Variants in ZP4 observed in about 807,000 individuals in gnomAD.
ZP4 encodes the protein zona pellucida glycoprotein 4.
ZP4 carries 62 observed loss-of-function variants against 62.3 expected under a neutral mutation model. The ratio of observed to expected loss-of-function variants is 0.99; its 90% CI spans 0.81 to 1.23. The LOEUF is 1.23. Ranked by LOEUF, ZP4 falls within the 50% of genes most tolerant of loss-of-function variation. The pLI is 0.00. For missense variants in ZP4, 774 were observed against 656.0 expected, an observed-to-expected ratio of 1.18 and a Z score of -1.97; for synonymous variants, 289 against 247.3, an observed-to-expected ratio of 1.17 and a Z score of -1.58.
intron 4 of ZP4, 62 bp downstream of exon 4, chr1:237,888,296 T>C: frequency 6.9e-7 from 1 of 1,454,846 alleles, no homozygotes; most frequent in Non-Finnish European, 9.2e-7. Flanking sequence ...AACCCCTCTC[T>C]GGGTTTCATT....
At chr1:237,885,908 G>C in intron 6 of ZP4, 22 bp from the exon 7 acceptor site, 1 of 1,613,552 alleles carries the variant, frequency 6.2e-7, no homozygotes, top group Non-Finnish European at 8.5e-7. Flanking sequence ...CAAGATTTTA[G>C]CTAGTTGGTT....
At position 237,890,692 on chromosome 1, in the gene ZP4, G is replaced by A. The variant is rs973989357; in HGVS notation, c.-57C>T. 4.9e-5 allele frequency: 76 copies of A among 1,562,882 alleles called. 1 individual carries two copies. The highest frequency in any genetic ancestry group is 7.4e-5 in the Admixed American group (4 of 54,088). On this transcript the variant is annotated 5_prime_UTR_variant, in exon 1 of 12. Coordinates refer to ENST00000366570, the MANE Select transcript of ZP4 (RefSeq NM_021186.5). ...CTCTCCGCCTCCTCTCCCAAGAGCC[G>A]AGGGTCTGCCTGCCCAGATTCCTTT...
At position 237,890,415 on chromosome 1, in the gene ZP4, G is replaced by A. The variant is rs776591954; in HGVS notation, c.175+46C>T. 11 of 1,577,424 alleles carry A rather than the reference G, an allele frequency of 7.0e-6. No homozygotes were observed. The South Asian group carries it at 8.3e-5, about 12-fold the overall frequency. ...TAGGGAGACATCTTAGGTAGTAGAG[G>A]AGACATATCATTGCTTGGCTAAGCA... On this transcript the variant is annotated intron_variant, in intron 1 of 11. Transcript: ENST00000366570.
At position 237,890,547 on chromosome 1, in the gene ZP4, C is replaced by T. The variant is rs1477897313; in HGVS notation, c.89G>A (p.Ser30Asn). ...GCTCCACGGCCCACAGTGGAGCACA[C>T]TGGAATAATCTGGTGCCTCAGGCTT... The part of the protein sequence containing the change: ...QHKPEAPDYS[S>N]VLHCGPWSFQ... Residue 30 changes from serine (S) to asparagine (N), a missense_variant, in exon 1 of 12, where the codon AGT (serine) becomes AAT (asparagine). By Grantham distance (46) the Ser-to-Asn change is conservative. Coordinates refer to ENST00000366570, the MANE Select transcript of ZP4 (RefSeq NM_021186.5). 6.2e-7 allele frequency: 1 copy of T among 1,613,988 alleles called. No homozygotes were observed. Among genetic ancestry groups the T allele is most frequent in the Non-Finnish European group, 8.5e-7 (1 of 1,180,032 alleles).
chr1:237,882,900 G>A (rs1664950386), intron 10 of ZP4, 54 bp from the exon 11 acceptor site: 1 of 1,508,830 alleles, frequency 6.6e-7, no homozygotes, highest in Non-Finnish European at 9.1e-7. Context: ...CATAGGGCAG[G>A]GATAGAAAAT....
rs748824623 is a variant in ZP4 at position 237,885,251 on chromosome 1, G to A, written c.1225C>T (p.Pro409Ser). Reference sequence around the variant, plus strand: ...AAGCGCTGGTGGTGAGAGGGAAATGGAAGATCCAAGGCTTTCTGGACAGGG... The same window carrying A: ...AAGCGCTGGTGGTGAGAGGGAAATGAAAGATCCAAGGCTTTCTGGACAGGG... Reference protein sequence around the residue: ...LIPVQKALDLPFPSHHQRFSI... With the variant: ...LIPVQKALDLSFPSHHQRFSI... The change falls in exon 9 of 12, where the codon CCA becomes TCA. Residue 409 changes from proline to serine, a missense_variant. Pro to Ser is a moderately conservative substitution (Grantham distance 74). Coordinates refer to ENST00000366570, the MANE Select transcript of ZP4 (RefSeq NM_021186.5). 2.5e-6 allele frequency: 4 copies of A among 1,614,048 alleles called. No individual in the cohort carries two copies. The highest frequency in any genetic ancestry group is 2.5e-6 in the Non-Finnish European group (3 of 1,180,046).
At chr1:237,889,820 C>A (rs905861255) in intron 3 of ZP4, 47 bp downstream of exon 3, 5 of 1,532,400 alleles carry the variant, frequency 3.3e-6, no homozygotes, top group South Asian at 1.1e-5. Flanking sequence ...ACTTTCACAC[C>A]CCACCCCCAC....
intron 10 of ZP4, among the ~76,000 whole-genome samples, chr1:237,884,014 ACAAACACACACAC>A (rs1558531025): frequency 5.1e-5 from 4 of 78,650 alleles, no homozygotes; most frequent in Admixed American, 1.2e-4. Flanking sequence ...ACACACACAC[ACAAACACACACAC>A]ACACAAACAC....
chr1:237,890,629 G>A lies in ZP4; in HGVS notation c.7C>T (p.Leu3=), dbSNP rs182344567. Residue 3 remains leucine (L), a synonymous_variant, in exon 1 of 12, where the codon CTG becomes TTG. Transcript: ENST00000366570. ...ACACACAGCAAAACGCACCGCAGCA[G>A]CCACATAATGCTACCAGGAGTTCCT... The part of the protein sequence containing the change: MW[L]LRCVLLCVSL... 5.6e-6 allele frequency: 9 copies of A among 1,612,372 alleles called. No individual in the cohort carries two copies. The highest frequency in any genetic ancestry group is 1.1e-5 in the South Asian group (1 of 90,806).
intron 10 of ZP4, among the ~76,000 whole-genome samples, chr1:237,883,810 G>GGAAGAGAGAGGAAGA (rs1558530400): frequency 1.1e-5 from 1 of 91,492 alleles, no homozygotes; most frequent in African/African-American, 5.7e-5. Context: ...AGGAAGAGAG[G>GGAAGAGAGAGGAAGA]GAGAAAGGCT....
At chr1:237,884,003 C>A (rs796360455) in intron 10 of ZP4, among the ~76,000 whole-genome samples, 1,251 of 92,302 alleles carry the variant, frequency 0.014, 52 homozygotes, top group African/African-American at 0.043. Flanking sequence ...CACACACACA[C>A]ACACACACAC....
chr1:237,888,495 T>C lies in ZP4; in HGVS notation c.416A>G (p.Asp139Gly). ...PMDLLARDAP[D>G]TDWCDSIPAR... is the part of the protein sequence containing the mutation. Reference sequence around the variant, plus strand: ...TGGGATGGAGTCACACCAGTCAGTATCTGGAGCATCTCGGGCTAGGTTTTG... The same window carrying C: ...TGGGATGGAGTCACACCAGTCAGTACCTGGAGCATCTCGGGCTAGGTTTTG... Residue 139 changes from aspartate to glycine, a missense_variant, in exon 4 of 12, where the codon GAT becomes GGT. Coordinates refer to ENST00000366570, the MANE Select transcript of ZP4 (RefSeq NM_021186.5). 1.2e-6 allele frequency: 2 copies of C among 1,600,244 alleles called. No individual in the cohort carries two copies. Among genetic ancestry groups the C allele is most frequent in the Non-Finnish European group, 1.7e-6 (2 of 1,170,058 alleles).
At chr1:237,888,923 T>A (rs1665172581) in intron 3 of ZP4, among the ~76,000 whole-genome samples, 1 of 152,176 alleles carries the variant, frequency 6.6e-6, no homozygotes, top group African/African-American at 2.4e-5. Context: ...TTCCTCATTT[T>A]ATTAGTGCTG....
At chr1:237,886,922 G>A in intron 5 of ZP4, 54 bp from the exon 6 acceptor site, 1 of 1,488,022 alleles carries the variant, frequency 6.7e-7, no homozygotes, top group Non-Finnish European at 9.4e-7. Context: ...TATGCTGCTT[G>A]ACTTGCATCT....
intron 9 of ZP4, 29 bp from the exon 10 acceptor site, chr1:237,884,876 G>T: frequency 1.2e-6 from 2 of 1,605,840 alleles, no homozygotes; most frequent in Non-Finnish European, 8.5e-7. Flanking sequence ...CAGGTCATTT[G>T]TAGTATCACC....
chr1:237,882,615 G>A, intron 11 of ZP4, 66 bp from the exon 12 acceptor site: 1 of 1,571,644 alleles, frequency 6.4e-7, no homozygotes, highest in Non-Finnish European at 8.6e-7. Flanking sequence ...TCCTGACAAA[G>A]ACTAGCAGTC....
rs566703510 is a variant in ZP4, at chr1:237,885,709, A to G, written c.970+47T>C. 2.5e-6 allele frequency: 4 copies of G among 1,607,692 alleles called. No individual in the cohort carries two copies. In the South Asian group the frequency reaches 4.4e-5, roughly 18 times the overall value. On this transcript the variant is annotated intron_variant, in intron 7 of 11. Coordinates refer to ENST00000366570, the MANE Select transcript of ZP4 (RefSeq NM_021186.5). Reference sequence around the variant, plus strand: ...ACTTAGGGTCTTCATGCCCCAGAAGACTGGATTTAGACTATAGGCCAGATA... The same window carrying G: ...ACTTAGGGTCTTCATGCCCCAGAAGGCTGGATTTAGACTATAGGCCAGATA...
chr1:237,885,232 T>C lies in ZP4; in HGVS notation c.1244A>G (p.Gln415Arg), dbSNP rs1483430924. The C allele has an allele frequency of 1.2e-6, 2 of 1,614,018 alleles. No homozygotes were observed. The highest frequency in any genetic ancestry group is 1.3e-5 in the African/African-American group (1 of 74,904). ...ALDLPFPSHH[Q>R]RFSIFTFSFV... ...GCTGAAGGTGAAGATGCTGAAGCGC[T>C]GGTGGTGAGAGGGAAATGGAAGATC... Residue 415 changes from glutamine (Q) to arginine (R), a missense_variant, in exon 9 of 12, where the codon CAG (glutamine) becomes CGG (arginine). Transcript: ENST00000366570.
intron 3 of ZP4, among the ~76,000 whole-genome samples, 155 bp from the exon 4 acceptor site, chr1:237,888,665 T>C (rs1049724848): frequency 6.6e-6 from 1 of 152,232 alleles, no homozygotes; most frequent in Non-Finnish European, 1.5e-5. Context: ...AGAGGTTACA[T>C]GTTGTAGATT....
Sources: gnomAD v4.1 joint callset for allele counts (sites outside exome capture counted in the v4.1 genomes callset) on GRCh38, gnomAD v4.1.1 for gene constraint, MANE v1.5 for transcripts, NCBI Gene and HGNC (gene_info 2026-07-23, HGNC 2026-07-21) for gene names.